CFAP54: variants seen among roughly 807,000 people sequenced by gnomAD.
CFAP54 encodes cilia and flagella associated protein 54.
In CFAP54, 290 loss-of-function variants were observed where a neutral mutation model predicts 370.4. That is an observed-to-expected ratio of 0.78 (90% CI 0.71 to 0.86). The LOEUF (loss-of-function observed/expected upper bound fraction) is 0.86. Among genes scored for constraint, CFAP54 ranks in the 40% least tolerant of loss-of-function variants. The probability of loss-of-function intolerance (pLI) is 0.00; values close to 1 mark genes in which losing one functional copy is unlikely to be tolerated. For missense variants in CFAP54, 3,399 were observed against 3,528.7 expected, an observed-to-expected ratio of 0.96 and a Z score of 0.93; for synonymous variants, 1,206 against 1,236.5, an observed-to-expected ratio of 0.98 and a Z score of 0.52.
At chr12:96,807,755 T>G (rs1194888106) in intron 63 of CFAP54, among the ~76,000 whole-genome samples, 1 of 152,130 alleles carries the variant, frequency 6.6e-6, no homozygotes, top group African/African-American at 2.4e-5. Context: ...CATCTTGGGA[T>G]TAGCAGTAGG....
At chr12:96,643,146 A>G (rs1956752465) in intron 32 of CFAP54, among the ~76,000 whole-genome samples, 3 of 152,196 alleles carry the variant, frequency 2.0e-5, no homozygotes, top group African/African-American at 7.2e-5. Flanking sequence ...CAGCTATTAA[A>G]AAGATTCACA....
chr12:96,681,553 G>T (rs1218828888), intron 40 of CFAP54, among the ~76,000 whole-genome samples: 1 of 151,950 alleles, frequency 6.6e-6, no homozygotes, highest in African/African-American at 2.4e-5. Context: ...TTTGCTTTCT[G>T]GCTGACAGTC....
chr12:96,828,031 T>C (rs865948934), intron 65 of CFAP54, among the ~76,000 whole-genome samples: 555 of 126,516 alleles, frequency 4.4e-3, no homozygotes, highest in Middle Eastern at 0.011. Context: ...CGTATTAATA[T>C]ATAATATATA....
chr12:96,746,068 A>G (rs1392033188), intron 55 of CFAP54, among the ~76,000 whole-genome samples: 1 of 152,040 alleles, frequency 6.6e-6, no homozygotes, highest in African/African-American at 2.4e-5. Context: ...CCCTTTATCA[A>G]TGCTGCTGAG....
Position 96,679,688 on chromosome 12 carries a change from A to G in CFAP54, c.5652A>G (p.Lys1884=), listed in dbSNP as rs771843112. ...RCFRETLEKS[K]YHNRSIRHSR... is the part of the protein sequence containing the mutation. ...TTAGAGAGACACTGGAAAAATCCAA[A>G]TACCATAACAGATCAATCCGACACA... The change falls in exon 40 of 68, where the codon AAA becomes AAG. Residue 1884 remains lysine (K), a synonymous_variant. Coordinates refer to ENST00000524981, the MANE Select transcript of CFAP54 (RefSeq NM_001306084.2). 1 of 1,613,976 alleles carries G rather than the reference A, an allele frequency of 6.2e-7. No individual in the cohort carries two copies. Among genetic ancestry groups the G allele is most frequent in the East Asian group, 2.2e-5 (1 of 44,874 alleles).
At chr12:96,613,237 A>G (rs772418471) in intron 26 of CFAP54, among the ~76,000 whole-genome samples, 9 of 152,228 alleles carry the variant, frequency 5.9e-5, no homozygotes, top group Non-Finnish European at 1.2e-4. Context: ...GCTTAACTAC[A>G]TGGAAACTGA....
intron 55 of CFAP54, among the ~76,000 whole-genome samples, chr12:96,753,165 C>A (rs571257162): frequency 1.8e-4 from 27 of 152,102 alleles, no homozygotes; most frequent in Non-Finnish European, 3.4e-4. Flanking sequence ...CAGATAAAGT[C>A]TAATGTCTCT....
At chr12:96,582,072 CTA>C (rs948784406) in intron 22 of CFAP54, among the ~76,000 whole-genome samples, 1 of 152,104 alleles carries the variant, frequency 6.6e-6, no homozygotes, top group African/African-American at 2.4e-5. Context: ...GCTTCTCACA[CTA>C]TCACAGCCAT....
chr12:96,573,015 G>A, intron 19 of CFAP54: 1 of 985,376 alleles, frequency 1.0e-6, no homozygotes, highest in Non-Finnish European at 1.2e-6. Context: ...ATCAAATTTG[G>A]AGCCCAGAGA....
At chr12:96,737,917 C>T (rs566488361) in intron 50 of CFAP54, among the ~76,000 whole-genome samples, 11 of 152,232 alleles carry the variant, frequency 7.2e-5, no homozygotes, top group African/African-American at 2.2e-4. Context: ...ATCTCAGTAA[C>T]GGATCCAAAG....
At chr12:96,592,390 G>T in intron 23 of CFAP54, 100 bp from the exon 24 acceptor site, 1 of 361,250 alleles carries the variant, frequency 2.8e-6, no homozygotes, top group South Asian at 1.2e-4. Flanking sequence ...TTGCTTTTTT[G>T]GGATCTTTGT....
chr12:96,589,706 T>C, intron 23 of CFAP54, 143 bp downstream of exon 23: 1 of 603,566 alleles, frequency 1.7e-6, no homozygotes, highest in Non-Finnish European at 2.8e-6. Context: ...AATAAGAGTA[T>C]GCATTGCAAG....
At chr12:96,507,558 C>T (rs199633106) in intron 4 of CFAP54, among the ~76,000 whole-genome samples, 1 of 114,862 alleles carries the variant, frequency 8.7e-6, no homozygotes. Flanking sequence ...CACACACACA[C>T]ATACACACAC....
In CFAP54 at chr12:96,806,200, ATATATATATATAT is replaced by A. The variant is rs1565984912; in HGVS notation, c.8851-5535_8851-5523del. Among the ~76,000 whole-genome samples, 143 of 85,134 alleles carry A rather than the reference ATATATATATATAT, an allele frequency of 1.7e-3. 8 individuals are homozygous for A. Among genetic ancestry groups the A allele is most frequent in the South Asian group, 0.017 (33 of 1,970 alleles). The allele number at this position is 85,134 out of a possible 152,430, so 55.9% of individuals were successfully genotyped here. A position where few individuals can be genotyped will look rare whatever the true frequency, so the allele number is the denominator to read the frequency against. Reference sequence around the variant, plus strand: ...TATATATATATATATATATATATATATATATATATATATAATAACAACATAAAAAGAAAGTTGG... The same window carrying A: ...TATATATATATATATATATATATATAAATAACAACATAAAAAGAAAGTTGG... On this transcript the variant is annotated intron_variant, in intron 63 of 67. Transcript: ENST00000524981.
At position 96,743,615 on chromosome 12, in the gene CFAP54, A is replaced by G. The variant is rs568104254; in HGVS notation, c.7377+56A>G. On this transcript the variant is annotated intron_variant, in intron 53 of 67. Transcript: ENST00000524981. The stretch of plus-strand genomic sequence containing the variant: ...TCAGGGAGGGATTCCAGTTAGAACA[A>G]AAGGAGAGAATTTCAAATTCCACTA... 3.1e-6 allele frequency: 5 copies of G among 1,604,902 alleles called. No homozygotes were observed. The African/African-American group carries it at 6.7e-5, about 22-fold the overall frequency.
At chr12:96,565,662 G>A (rs1486008495) in intron 19 of CFAP54, among the ~76,000 whole-genome samples, 1 of 152,152 alleles carries the variant, frequency 6.6e-6, no homozygotes, top group Non-Finnish European at 1.5e-5. Flanking sequence ...AAGGCCTATA[G>A]AGGATGATTT....
intron 8 of CFAP54, among the ~76,000 whole-genome samples, chr12:96,524,066 A>G (rs73235061): frequency 0.054 from 8,189 of 152,072 alleles, 297 homozygotes; most frequent in Non-Finnish European, 0.082. Context: ...TAATTTTATT[A>G]TGTTTCTACT....
chr12:96,767,762 A>G (rs886318160), intron 60 of CFAP54, among the ~76,000 whole-genome samples: 3 of 152,120 alleles, frequency 2.0e-5, no homozygotes, highest in Non-Finnish European at 4.4e-5. Flanking sequence ...ACAACAAATA[A>G]AACTTGTTTG....
rs1235781475 is a variant in CFAP54, at chr12:96,700,095, T to C, written c.6474+2T>C. The C allele has an allele frequency of 3.1e-6, 5 of 1,601,842 alleles. No individual in the cohort carries two copies. Among genetic ancestry groups the C allele is most frequent in the Non-Finnish European group, 4.2e-6 (5 of 1,176,636 alleles). ...TATAAAGCCACTGGAAAAATGAAGG[T>C]AACCTGACAATTTGATTCAAAGCAA... On this transcript the variant is annotated splice_donor_variant, in intron 46 of 67. Coordinates refer to ENST00000524981, the MANE Select transcript of CFAP54 (RefSeq NM_001306084.2). LOFTEE classifies it high-confidence loss of function.
Sources: gnomAD v4.1 joint callset for allele counts (sites outside exome capture counted in the v4.1 genomes callset) on GRCh38, gnomAD v4.1.1 for gene constraint, MANE v1.5 for transcripts, NCBI Gene and HGNC (gene_info 2026-07-23, HGNC 2026-07-21) for gene names.